CTNND2: variants seen among roughly 807,000 people sequenced by gnomAD.
The protein encoded by CTNND2 is catenin delta 2.
Under a neutral mutation model 144.4 loss-of-function variants are expected in CTNND2, and 22 were observed. The ratio of observed to expected loss-of-function variants is 0.15; its 90% CI spans 0.11 to 0.22. The LOEUF (loss-of-function observed/expected upper bound fraction) is 0.22. CTNND2 is among the 10% of genes least tolerant of loss of function. The probability of loss-of-function intolerance (pLI) is 1.00; values close to 1 mark genes in which losing one functional copy is unlikely to be tolerated. For missense variants in CTNND2, 1,353 were observed against 1,618.8 expected, an observed-to-expected ratio of 0.84 and a Z score of 2.82; for synonymous variants, 751 against 695.6, an observed-to-expected ratio of 1.08 and a Z score of -1.25.
At chr5:11,861,562 A>G (rs542501038) in intron 1 of CTNND2, among the ~76,000 whole-genome samples, 2 of 152,264 alleles carry the variant, frequency 1.3e-5, no homozygotes, top group Non-Finnish European at 2.9e-5. Context: ...GTCCAAACCG[A>G]TGTCATCTTT....
intron 3 of CTNND2, among the ~76,000 whole-genome samples, chr5:11,510,847 C>T (rs1771570282): frequency 6.6e-6 from 1 of 151,882 alleles, no homozygotes; most frequent in African/African-American, 2.4e-5. Flanking sequence ...ACAAGTATTG[C>T]TTGAACCCAA....
At chr5:11,425,983 G>A (rs561282568) in intron 3 of CTNND2, among the ~76,000 whole-genome samples, 2 of 152,120 alleles carry the variant, frequency 1.3e-5, no homozygotes, top group African/African-American at 2.4e-5. Flanking sequence ...GGATCCCCTC[G>A]GCCTGCCTTT....
At chr5:11,767,068 T>C (rs1482365863) in intron 1 of CTNND2, among the ~76,000 whole-genome samples, 1 of 152,108 alleles carries the variant, frequency 6.6e-6, no homozygotes, top group Non-Finnish European at 1.5e-5. Flanking sequence ...ATGTAGTTAG[T>C]ACACCAGCAG....
At chr5:11,216,443 A>T (rs1739208293) in intron 10 of CTNND2, among the ~76,000 whole-genome samples, 1 of 152,244 alleles carries the variant, frequency 6.6e-6, no homozygotes, top group Non-Finnish European at 1.5e-5. Flanking sequence ...CAGAAGAACA[A>T]CAGTGTGAGA....
At chr5:11,405,780 G>A (rs1275711371) in intron 5 of CTNND2, among the ~76,000 whole-genome samples, 2 of 152,088 alleles carry the variant, frequency 1.3e-5, no homozygotes, top group South Asian at 4.1e-4. Context: ...GGTAGGGGGG[G>A]AAGTGAGTGT....
intron 9 of CTNND2, among the ~76,000 whole-genome samples, chr5:11,294,445 GA>G (rs1748687445): frequency 6.6e-6 from 1 of 152,064 alleles, no homozygotes; most frequent in Admixed American, 6.5e-5. Flanking sequence ...CTTGAAAAGG[GA>G]AAAAGCAAGC....
intron 16 of CTNND2, among the ~76,000 whole-genome samples, chr5:11,043,029 C>T (rs539324153): frequency 1.1e-4 from 16 of 151,486 alleles, no homozygotes; most frequent in African/African-American, 3.6e-4. Flanking sequence ...GTCTTCACTT[C>T]GAGATTGGTC....
At chr5:10,978,278 T>C (rs1736755460) in intron 21 of CTNND2, among the ~76,000 whole-genome samples, 1 of 152,240 alleles carries the variant, frequency 6.6e-6, no homozygotes, top group Non-Finnish European at 1.5e-5. Flanking sequence ...TCAGGGATAC[T>C]GTTTATGAGT....
intron 14 of CTNND2, among the ~76,000 whole-genome samples, chr5:11,100,640 A>C (rs529002191): frequency 6.6e-6 from 1 of 152,228 alleles, no homozygotes; most frequent in Non-Finnish European, 1.5e-5. Flanking sequence ...TAGAGTAACA[A>C]GAAATGGCAA....
At chr5:11,214,869 C>T (rs1048223216) in intron 10 of CTNND2, among the ~76,000 whole-genome samples, 2 of 152,176 alleles carry the variant, frequency 1.3e-5, no homozygotes, top group Admixed American at 6.5e-5. Flanking sequence ...GTATGACCAC[C>T]CCTTCCCCCT....
intron 11 of CTNND2, among the ~76,000 whole-genome samples, chr5:11,183,472 G>A (rs916770367): frequency 5.9e-5 from 9 of 151,900 alleles, no homozygotes; most frequent in African/African-American, 2.2e-4. Flanking sequence ...GGATGGCATC[G>A]ACACTCTCCA....
intron 1 of CTNND2, among the ~76,000 whole-genome samples, chr5:11,881,526 T>G (rs2127075962): frequency 6.6e-6 from 1 of 152,122 alleles, no homozygotes; most frequent in East Asian, 1.9e-4. Flanking sequence ...AGTAAGAACA[T>G]GCGGTGTTTG....
chr5:11,362,069 A>G (rs1253038737), intron 8 of CTNND2, among the ~76,000 whole-genome samples: 4 of 152,154 alleles, frequency 2.6e-5, no homozygotes, highest in African/African-American at 9.7e-5. Context: ...GCCTCATAAG[A>G]ACCTGTCCTC....
intron 1 of CTNND2, among the ~76,000 whole-genome samples, chr5:11,768,245 G>T (rs555000477): frequency 6.6e-6 from 1 of 151,764 alleles, no homozygotes; most frequent in African/African-American, 2.4e-5. Context: ...CTAGCACTCA[G>T]AGAGTCTCTC....
intron 8 of CTNND2, among the ~76,000 whole-genome samples, chr5:11,347,949 C>T (rs1039421915): frequency 6.4e-4 from 97 of 152,166 alleles, no homozygotes; most frequent in African/African-American, 2.2e-3. Context: ...ACTCTAATAC[C>T]GAGGATTGAC....
chr5:11,198,296 C>T (rs780626176), intron 11 of CTNND2, among the ~76,000 whole-genome samples: 1 of 151,942 alleles, frequency 6.6e-6, no homozygotes, highest in Non-Finnish European at 1.5e-5. Context: ...ATTTTTTCCA[C>T]AAAGATGATT....
intron 12 of CTNND2, among the ~76,000 whole-genome samples, chr5:11,132,560 G>A (rs538885054): frequency 7.9e-5 from 12 of 152,262 alleles, no homozygotes; most frequent in African/African-American, 2.6e-4. Context: ...GAACCCAACC[G>A]TGAAGGCACC....
chr5:11,209,243 A>C (rs1015326853), intron 10 of CTNND2, among the ~76,000 whole-genome samples: 2 of 152,236 alleles, frequency 1.3e-5, no homozygotes, highest in Non-Finnish European at 2.9e-5. Context: ...ATAAAAAGTA[A>C]GACTATTTCA....
rs564948643 is a variant in CTNND2 at position 11,384,203 on chromosome 5, G to T, written c.1177+462C>A. ...TATTAATTATTTCCCCACTACTATT[G>T]AAAACTATGTAAGCTGAACGTCTAA... is the stretch of plus-strand genomic sequence containing the variant. On this transcript the variant is annotated intron_variant, in intron 7 of 21. Coordinates refer to ENST00000304623, the MANE Select transcript of CTNND2 (RefSeq NM_001332.4). This position sits in a 1 kb window ranked among gnomAD's most constrained non-coding sequence, Gnocchi z 5.2. Among the ~76,000 whole-genome samples, 1 of 152,218 alleles carries T rather than the reference G, an allele frequency of 6.6e-6. No individual in the cohort carries two copies. The highest frequency in any genetic ancestry group is 1.9e-4 in the East Asian group (1 of 5,190).
Sources: allele counts gnomAD v4.1 joint callset (sites outside exome capture counted in the v4.1 genomes callset), GRCh38; gene constraint gnomAD v4.1.1; non-coding constraint Gnocchi (gnomAD v3.1); transcripts MANE v1.5; gene names NCBI Gene and HGNC (gene_info 2026-07-23, HGNC 2026-07-21).